Variants in ZNF239 observed in about 807,000 individuals in gnomAD.
The protein encoded by ZNF239 is zinc finger protein 239, also known as zinc finger protein (C2H2) homologous to mouse MOK-2.
ZNF239 carries 16 observed loss-of-function variants against 27.5 expected under a neutral mutation model. The observed-to-expected ratio is 0.58, with a 90% CI of 0.39 to 0.88. ZNF239 has a LOEUF of 0.88. Among genes scored for constraint, ZNF239 ranks in the 40% least tolerant of loss-of-function variants. The pLI, the probability that ZNF239 is intolerant of heterozygous loss-of-function variation, is 0.00. For missense variants in ZNF239, 527 were observed against 551.9 expected (o/e 0.95, Z 0.45); for synonymous variants, 199 against 192.6 (o/e 1.03, Z -0.27).
chr10:43,572,660 C>T (rs751012524), intron 2 of ZNF239, among the ~76,000 whole-genome samples: 4 of 152,186 alleles, frequency 2.6e-5, no homozygotes, highest in Non-Finnish European at 5.9e-5. Flanking sequence ...AGCTCTCCAC[C>T]ATAAAACGCC....
At chr10:43,560,680 T>G (rs921768470) in intron 3 of ZNF239, among the ~76,000 whole-genome samples, 11 of 133,200 alleles carry the variant, frequency 8.3e-5, no homozygotes, top group African/African-American at 1.1e-4. Context: ...GCCTATAATA[T>G]CCACCATCTG....
intron 3 of ZNF239, among the ~76,000 whole-genome samples, chr10:43,566,178 G>T (rs554336530): frequency 6.6e-6 from 1 of 152,246 alleles, no homozygotes; most frequent in Admixed American, 6.5e-5. Context: ...TACTCCCCAG[G>T]ATTAGCTGAA....
At chr10:43,561,930 A>G (rs149430200) in intron 3 of ZNF239, among the ~76,000 whole-genome samples, 1 of 152,344 alleles carries the variant, frequency 6.6e-6, no homozygotes, top group Non-Finnish European at 1.5e-5. Flanking sequence ...CAAATAAAAT[A>G]TATTTTTAAA....
chr10:43,557,124 T>C lies in ZNF239; in HGVS notation c.956A>G (p.Tyr319Cys), dbSNP rs753746712. ...HQRVHTGEKP[Y>C]ECEECGMSFS... ...GCTCATACCACACTCCTCACACTCA[T>C]AGGGCTTCTCTCCAGTGTGGACTCG... Residue 319 changes from tyrosine to cysteine, a missense_variant, in exon 4 of 4, where the codon TAT (tyrosine) becomes TGT (cysteine). Coordinates refer to ENST00000374446, the MANE Select transcript of ZNF239 (RefSeq NM_001099282.2). 2.0e-5 allele frequency: 32 copies of C among 1,613,010 alleles called. No homozygotes were observed. The highest frequency in any genetic ancestry group is 4.4e-5 in the South Asian group (4 of 91,024).
chr10:43,567,520 G>C (rs1247086184), intron 3 of ZNF239, among the ~76,000 whole-genome samples: 1 of 152,162 alleles, frequency 6.6e-6, no homozygotes, highest in African/African-American at 2.4e-5. Flanking sequence ...CAAGATACCA[G>C]ATAACTCCTG....
intron 3 of ZNF239, among the ~76,000 whole-genome samples, chr10:43,561,150 C>T (rs1310304306): frequency 2.6e-5 from 4 of 151,934 alleles, no homozygotes; most frequent in African/African-American, 9.7e-5. Flanking sequence ...AAGTAAAAGC[C>T]CATCTTCAAG....
chr10:43,570,517 C>T, intron 2 of ZNF239: 1 of 984,894 alleles, frequency 1.0e-6, no homozygotes. Flanking sequence ...CAAATCCCTT[C>T]TTCTATCTTC....
Position 43,558,039 on chromosome 10 carries a change from T to C in ZNF239, c.41A>G (p.Asn14Ser). Residue 14 changes from asparagine (N) to serine (S), a missense_variant, in exon 4 of 4, where the codon AAT becomes AGT. Physicochemically the swap from Asn to Ser is conservative, Grantham distance 46 (BLOSUM62 1). Coordinates refer to ENST00000374446, the MANE Select transcript of ZNF239 (RefSeq NM_001099282.2). The stretch of plus-strand genomic sequence containing the variant: ...CTCCCCATCCACTTCCCCTCGATGA[T>C]TCACAATACAATCCTGACTTCCAGT... Reference protein sequence around the residue: ...TITGSQDCIVNHRGEVDGEPE... With the variant: ...TITGSQDCIVSHRGEVDGEPE... The C allele has an allele frequency of 1.2e-6, 2 of 1,614,096 alleles. No homozygotes were observed. Among genetic ancestry groups the C allele is most frequent in the South Asian group, 1.1e-5 (1 of 91,068 alleles).
At position 43,567,940 on chromosome 10, in the gene ZNF239, A is replaced by G; in HGVS notation, c.-134T>C. The G allele has an allele frequency of 1.0e-6, 1 of 985,860 alleles. No individual in the cohort carries two copies. The highest frequency in any genetic ancestry group is 1.2e-6 in the Non-Finnish European group (1 of 830,002). The allele number at this position is 985,860 out of a possible 1,614,324, so 61.1% of individuals were successfully genotyped here. On this transcript the variant is annotated 5_prime_UTR_variant, in exon 3 of 4. Transcript: ENST00000374446. ...TAGTTGCCCAGCATCACAGCTCCGC[A>G]CAGCTTCCTGGGAGCAGAGTCCAGG...
chr10:43,570,577 G>A (rs1008173791), intron 2 of ZNF239: 95 of 982,466 alleles, frequency 9.7e-5, no homozygotes, highest in Admixed American at 3.8e-4. Context: ...TTTTTTATCC[G>A]TCTTCCATTC....
Position 43,557,248 on chromosome 10 carries a change from G to A in ZNF239, c.832C>T (p.Leu278=), listed in dbSNP as rs757114271. The change falls in exon 4 of 4, where the codon CTG becomes TTG. Residue 278 remains leucine, a synonymous_variant. Transcript: ENST00000374446. The part of the protein sequence containing the change: ...CGKGFTRSSS[L]LIHHAVHTGE... ...GTATGGACGGCATGATGGATGAGCA[G>A]ACTTGAGCTCCTGGTGAAGCCCTTC... The A allele has an allele frequency of 1.9e-6, 3 of 1,614,136 alleles. No homozygotes were observed. Among genetic ancestry groups the A allele is most frequent in the East Asian group, 2.2e-5 (1 of 44,878 alleles).
chr10:43,565,303 C>T (rs1837553621), intron 3 of ZNF239, among the ~76,000 whole-genome samples: 2 of 152,002 alleles, frequency 1.3e-5, no homozygotes, highest in Admixed American at 6.6e-5. Context: ...AGGCTGGTCT[C>T]GAACTCCTGA....
chr10:43,570,203 G>A, intron 2 of ZNF239: 1 of 985,356 alleles, frequency 1.0e-6, no homozygotes, highest in Non-Finnish European at 1.2e-6. Context: ...GAAGGATGAG[G>A]GTAAAGATGA....
intron 2 of ZNF239, among the ~76,000 whole-genome samples, chr10:43,569,238 C>CCTGCA (rs1246405830): frequency 6.6e-6 from 1 of 152,208 alleles, no homozygotes; most frequent in Non-Finnish European, 1.5e-5. Flanking sequence ...GCTCCCCTGC[C>CCTGCA]CTGCACTGTC....
At chr10:43,564,205 A>T in intron 3 of ZNF239, 1 of 738,464 alleles carries the variant, frequency 1.4e-6, no homozygotes, top group Non-Finnish European at 1.7e-6. Context: ...GGCTCTCCGT[A>T]AGACACATAC....
chr10:43,561,922 A>T (rs1057501979), intron 3 of ZNF239, among the ~76,000 whole-genome samples: 1 of 152,208 alleles, frequency 6.6e-6, no homozygotes, highest in Admixed American at 6.5e-5. Flanking sequence ...AAACCCCCCA[A>T]ATAAAATATA....
In ZNF239 at chr10:43,557,111, C is replaced by G. The variant is rs761140634; in HGVS notation, c.969G>C (p.Glu323Asp). Residue 323 changes from glutamate (E) to aspartate (D), a missense_variant, in exon 4 of 4, where the codon GAG becomes GAC. Coordinates refer to ENST00000374446, the MANE Select transcript of ZNF239 (RefSeq NM_001099282.2). ...AGCGCTGACTGAAGCTCATACCACA[C>G]TCCTCACACTCATAGGGCTTCTCTC... Reference protein sequence around the residue: ...HTGEKPYECEECGMSFSQRSN... With the variant: ...HTGEKPYECEDCGMSFSQRSN... 2 of 1,612,958 alleles carry G rather than the reference C, an allele frequency of 1.2e-6. No individual in the cohort carries two copies. The highest frequency in any genetic ancestry group is 1.7e-6 in the Non-Finnish European group (2 of 1,179,230).
chr10:43,558,274 C>T, intron 3 of ZNF239, 103 bp from the exon 4 acceptor site: 1 of 1,114,242 alleles, frequency 9.0e-7, no homozygotes, highest in Non-Finnish European at 1.2e-6. Flanking sequence ...GGAAAAAGTT[C>T]AGCTTGTCTT....
intron 3 of ZNF239, among the ~76,000 whole-genome samples, chr10:43,566,532 C>T (rs978410451): frequency 1.3e-5 from 2 of 152,146 alleles, no homozygotes; most frequent in Non-Finnish European, 2.9e-5. Context: ...GCCATCTGCC[C>T]GCCTTAGCCT....
Sources: gnomAD v4.1 joint callset for allele counts (sites outside exome capture counted in the v4.1 genomes callset) on GRCh38, gnomAD v4.1.1 for gene constraint, MANE v1.5 for transcripts, NCBI Gene and HGNC (gene_info 2026-07-23, HGNC 2026-07-21) for gene names.